The following ZFYVE9 variants were observed in gnomAD, a reference collection of about 807,000 sequenced individuals.
ZFYVE9 encodes the protein zinc finger FYVE-type containing 9.
ZFYVE9 carries 43 observed loss-of-function variants against 126.7 expected under a neutral mutation model. That is an observed-to-expected ratio of 0.34 (90% CI 0.27 to 0.44). The LOEUF (loss-of-function observed/expected upper bound fraction) is 0.44. ZFYVE9 is among the 20% of genes least tolerant of loss of function. The pLI is 1.00. For missense variants in ZFYVE9, 1,476 were observed against 1,697.0 expected (o/e 0.87, Z 2.29); for synonymous variants, 521 against 597.4 (o/e 0.87, Z 1.87).
chr1:52,151,416 A>G (rs974151759), intron 1 of ZFYVE9, among the ~76,000 whole-genome samples: 3 of 152,174 alleles, frequency 2.0e-5, no homozygotes, highest in East Asian at 1.9e-4. Context: ...TGATGATTCA[A>G]ACTTATATAT....
intron 1 of ZFYVE9, among the ~76,000 whole-genome samples, chr1:52,153,756 G>A (rs1644377524): frequency 6.6e-6 from 1 of 152,188 alleles, no homozygotes; most frequent in Non-Finnish European, 1.5e-5. Flanking sequence ...GCAAAAGTGT[G>A]CCCGCTTTGG....
At chr1:52,218,969 G>A (rs1372272379) in intron 2 of ZFYVE9, among the ~76,000 whole-genome samples, 1 of 152,130 alleles carries the variant, frequency 6.6e-6, no homozygotes, top group African/African-American at 2.4e-5. Context: ...GGTTACACTG[G>A]TGGTTTTGGC....
At chr1:52,227,159 C>A (rs559377065) in intron 2 of ZFYVE9, among the ~76,000 whole-genome samples, 1 of 152,330 alleles carries the variant, frequency 6.6e-6, no homozygotes, top group East Asian at 1.9e-4. Flanking sequence ...ATGGTGGGAC[C>A]AGCAGTGTTT....
chr1:52,204,687 A>G (rs1269367932), intron 1 of ZFYVE9, among the ~76,000 whole-genome samples: 1 of 152,156 alleles, frequency 6.6e-6, no homozygotes, highest in East Asian at 1.9e-4. Context: ...AGATCTCGCC[A>G]CTGCACTCCA....
chr1:52,343,692 G>A (rs1353243113), intron 17 of ZFYVE9, among the ~76,000 whole-genome samples: 2 of 151,596 alleles, frequency 1.3e-5, no homozygotes, highest in Non-Finnish European at 2.9e-5. Context: ...GGAGGTGGAG[G>A]TTGCACTGAA....
intron 8 of ZFYVE9, among the ~76,000 whole-genome samples, chr1:52,276,888 T>C (rs1483291874): frequency 6.6e-6 from 1 of 152,244 alleles, no homozygotes. Context: ...CTTCATCTTA[T>C]TTTATACTTG....
intron 1 of ZFYVE9, among the ~76,000 whole-genome samples, chr1:52,153,226 T>TG (rs1644373264): frequency 6.6e-6 from 1 of 152,160 alleles, no homozygotes; most frequent in African/African-American, 2.4e-5. Context: ...ATTGCTACAG[T>TG]CCATTCCTCA....
intron 1 of ZFYVE9, among the ~76,000 whole-genome samples, chr1:52,189,680 G>GT (rs35301412): frequency 0.75 from 109,913 of 146,240 alleles, 44,329 homozygotes; most frequent in Non-Finnish European, 0.89. Flanking sequence ...GCCTTAGGTT[G>GT]TTTTTTTTTT....
Position 52,272,671 on chromosome 1 carries a change from A to ACCTTTTTT in ZFYVE9, c.2626-1793_2626-1792insCCTTTTTT, listed in dbSNP as rs1162973754. On this transcript the variant is annotated intron_variant, in intron 7 of 18. Coordinates refer to ENST00000287727, the MANE Select transcript of ZFYVE9 (RefSeq NM_004799.4). ...GAATGAAATGAAGCTGCTAGAAATA[A>ACCTTTTTT]TCTTTTTTTTTTTTTTTTTTTTGAG... Among the ~76,000 whole-genome samples, 154 of 134,782 alleles carry ACCTTTTTT rather than the reference A, an allele frequency of 1.1e-3. 1 individual carries two copies. The highest frequency in any genetic ancestry group is 1.5e-3 in the Non-Finnish European group (101 of 66,170). 88.4% of individuals were successfully genotyped at this position (134,782 alleles called of 152,430 possible).
At chr1:52,233,309 A>G (rs1645241836) in intron 3 of ZFYVE9, 33 bp downstream of exon 3, 15 of 1,520,246 alleles carry the variant, frequency 9.9e-6, no homozygotes, top group Non-Finnish European at 1.3e-5. Flanking sequence ...CTGTTTGCCT[A>G]TGTGGTATAG....
intron 12 of ZFYVE9, among the ~76,000 whole-genome samples, chr1:52,300,760 A>G (rs1394114637): frequency 2.0e-5 from 3 of 151,030 alleles, no homozygotes; most frequent in Admixed American, 6.6e-5. Context: ...GAATTATTTT[A>G]GCTTTTGTAT....
chr1:52,180,021 T>G (rs2124538164), intron 1 of ZFYVE9: 2 of 856,128 alleles, frequency 2.3e-6, no homozygotes, highest in East Asian at 4.8e-5. Flanking sequence ...TGAAGACAAG[T>G]TTAATGAGGA....
At chr1:52,175,901 G>GT (rs1044047418) in intron 1 of ZFYVE9, among the ~76,000 whole-genome samples, 3 of 152,092 alleles carry the variant, frequency 2.0e-5, no homozygotes, top group Non-Finnish European at 4.4e-5. Context: ...ATTTGTCTAA[G>GT]TTTTTTTCAA....
intron 13 of ZFYVE9, among the ~76,000 whole-genome samples, chr1:52,331,878 A>G (rs1435480149): frequency 6.7e-6 from 1 of 149,360 alleles, no homozygotes; most frequent in Non-Finnish European, 1.5e-5. Flanking sequence ...TCCCGGGTTC[A>G]TGCCATTCGC....
intron 4 of ZFYVE9, among the ~76,000 whole-genome samples, chr1:52,248,181 C>T (rs542774567): frequency 6.6e-6 from 1 of 152,220 alleles, no homozygotes; most frequent in South Asian, 2.1e-4. Flanking sequence ...GCCTCAAAAG[C>T]AGGAAAACCA....
chr1:52,312,924 A>G (rs1290740826), intron 13 of ZFYVE9, among the ~76,000 whole-genome samples: 1 of 152,216 alleles, frequency 6.6e-6, no homozygotes, highest in Non-Finnish European at 1.5e-5. Flanking sequence ...TACAAAGGTA[A>G]TCAAGTTTAA....
At chr1:52,333,122 G>A (rs1359574786) in intron 14 of ZFYVE9, among the ~76,000 whole-genome samples, 2 of 151,950 alleles carry the variant, frequency 1.3e-5, no homozygotes, top group Non-Finnish European at 2.9e-5. Flanking sequence ...TGTTATTGAG[G>A]GAACAATTTT....
chr1:52,297,412 T>G (rs1188387617), intron 12 of ZFYVE9, among the ~76,000 whole-genome samples: 2 of 151,906 alleles, frequency 1.3e-5, no homozygotes, highest in Non-Finnish European at 2.9e-5. Context: ...TAATTTTTTG[T>G]ATTTTTCATA....
At chr1:52,291,567 A>G (rs1645920736) in intron 10 of ZFYVE9, among the ~76,000 whole-genome samples, 2 of 152,196 alleles carry the variant, frequency 1.3e-5, no homozygotes, top group Admixed American at 1.3e-4. Flanking sequence ...AGTATTTTGA[A>G]TTATAAAATG....
Sources: allele counts gnomAD v4.1 joint callset (sites outside exome capture counted in the v4.1 genomes callset), GRCh38; gene constraint gnomAD v4.1.1; transcripts MANE v1.5; gene names NCBI Gene and HGNC (gene_info 2026-07-23, HGNC 2026-07-21).